Variants in ASH1L observed in about 807,000 individuals in gnomAD.
The protein encoded by ASH1L is ASH1 like histone lysine methyltransferase.
A neutral mutation model predicts 269.0 loss-of-function variants in ASH1L; 23 were observed. That is an observed-to-expected ratio of 0.09 (90% CI 0.06 to 0.12). The LOEUF (loss-of-function observed/expected upper bound fraction) is 0.12. ASH1L is among the 10% of genes least tolerant of loss of function. The pLI is 1.00. For synonymous variants in ASH1L, 1,187 were observed against 1,253.5 expected, an observed-to-expected ratio of 0.95 and a Z score of 1.12; for missense variants, 2,912 against 3,567.8, an observed-to-expected ratio of 0.82 and a Z score of 4.68.
chr1:155,430,547 T>A (rs1158267564), intron 5 of ASH1L, among the ~76,000 whole-genome samples: 1 of 152,180 alleles, frequency 6.6e-6, no homozygotes, highest in Non-Finnish European at 1.5e-5. Flanking sequence ...GTTCTCACAG[T>A]AGTAAATTTT....
intron 1 of ASH1L, among the ~76,000 whole-genome samples, chr1:155,551,412 G>A (rs962815058): frequency 6.6e-6 from 1 of 152,102 alleles, no homozygotes; most frequent in African/African-American, 2.4e-5. Flanking sequence ...TGTAATCCCA[G>A]CACTTTGGGA....
At chr1:155,520,140 T>C (rs1171549877) in intron 2 of ASH1L, 2 of 151,384 alleles carry the variant, frequency 1.3e-5, no homozygotes, top group Non-Finnish European at 2.9e-5. Flanking sequence ...TCACCTGAAG[T>C]CAGGAGTTCG....
intron 1 of ASH1L, among the ~76,000 whole-genome samples, chr1:155,530,782 C>A (rs892960786): frequency 6.6e-6 from 1 of 151,498 alleles, no homozygotes; most frequent in South Asian, 2.1e-4. Context: ...CATGGTGGCA[C>A]GTGCCTATCG....
At chr1:155,421,783 C>T (rs886523645) in intron 5 of ASH1L, among the ~76,000 whole-genome samples, 1 of 151,622 alleles carries the variant, frequency 6.6e-6, no homozygotes, top group African/African-American at 2.4e-5. Context: ...TGTAGAACAA[C>T]GTAATAGAGT....
At position 155,378,532 on chromosome 1, in the gene ASH1L, T is replaced by A; in HGVS notation, c.6194A>T (p.Asp2065Val). 1 of 1,612,904 alleles carries A rather than the reference T, an allele frequency of 6.2e-7. No homozygotes were observed. The highest frequency in any genetic ancestry group is 1.3e-5 in the African/African-American group (1 of 74,986). The change falls in exon 9 of 28, where the codon GAT becomes GTT. Residue 2065 changes from aspartate (D) to valine (V), a missense_variant. Physicochemically the swap from Asp to Val is radical, Grantham distance 152 (BLOSUM62 -3). Transcript: ENST00000392403. ...WKHNQLYKKP[D>V]VPLYKKIRSN... ...ACGAATTTTCTTATATAGTGGGACA[T>A]CTGGCTTTTTGTATAGCTAGAAGAA...
rs765402822 is a variant in ASH1L, at chr1:155,479,862, G to A, written c.3008C>T (p.Ser1003Leu). The stretch of plus-strand genomic sequence containing the variant: ...TTTATTACTTGATTCTACAGAACTT[G>A]AAAGAATCTGATTCAACAGTTTCTT... ...KRKKLLNQIL[S>L]SSVESSNKGK... Residue 1003 changes from serine (S) to leucine (L), a missense_variant, in exon 3 of 28, where the codon TCA (serine) becomes TTA (leucine). Physicochemically the swap from Ser to Leu is moderately radical, Grantham distance 145 (BLOSUM62 -2). Coordinates refer to ENST00000392403, the MANE Select transcript of ASH1L (RefSeq NM_018489.3). The A allele has an allele frequency of 6.2e-7, 1 of 1,613,458 alleles. No homozygotes were observed.
intron 21 of ASH1L, 139 bp downstream of exon 21, chr1:155,346,244 T>C (rs767111853): frequency 6.4e-7 from 1 of 1,563,794 alleles, no homozygotes; most frequent in South Asian, 1.1e-5. Context: ...ACCCTTAATG[T>C]AAAGTTTAAG....
At position 155,459,782 on chromosome 1, in the gene ASH1L, A is replaced by G; in HGVS notation, c.5086+15T>C. The G allele has an allele frequency of 1.3e-6, 2 of 1,597,638 alleles. No individual in the cohort carries two copies. Among genetic ancestry groups the G allele is most frequent in the Non-Finnish European group, 1.7e-6 (2 of 1,166,656 alleles). ...GAAACTATCTTGAAAATCTGGTAAA[A>G]CAAATAGCACTAGCCTGTTGAAGAA... On this transcript the variant is annotated intron_variant, in intron 4 of 27. Coordinates refer to ENST00000392403, the MANE Select transcript of ASH1L (RefSeq NM_018489.3).
At chr1:155,430,946 A>T (rs1000349696) in intron 5 of ASH1L, among the ~76,000 whole-genome samples, 5 of 151,916 alleles carry the variant, frequency 3.3e-5, no homozygotes, top group African/African-American at 9.7e-5. Context: ...CAGGTGTGGT[A>T]GCTCACGCCT....
In ASH1L at chr1:155,499,090, T is replaced by C. The variant is rs187752657; in HGVS notation, c.421-16641A>G. ...TGAACTTGAATTTTATATTCCACAC[T>C]GAAGCCCCAAATTCTATCCTCATTA... is the stretch of plus-strand genomic sequence containing the variant. On this transcript the variant is annotated intron_variant, in intron 2 of 27. Coordinates refer to ENST00000392403, the MANE Select transcript of ASH1L (RefSeq NM_018489.3). 1.2e-4 allele frequency among the ~76,000 whole-genome samples: 18 copies of C among 152,298 alleles called. No individual in the cohort carries two copies. The East Asian group carries it at 3.3e-3, about 28-fold the overall frequency.
intron 2 of ASH1L, among the ~76,000 whole-genome samples, chr1:155,500,639 TCTC>T (rs1464163082): frequency 6.6e-6 from 1 of 152,026 alleles, no homozygotes; most frequent in African/African-American, 2.4e-5. Context: ...GTGCCTATCT[TCTC>T]CTATTAACAA....
intron 7 of ASH1L, among the ~76,000 whole-genome samples, chr1:155,392,030 C>CA (rs1290191820): frequency 2.6e-5 from 4 of 151,994 alleles, no homozygotes; most frequent in African/African-American, 9.6e-5. Context: ...TTAGAGCAAC[C>CA]AGTTACTGTG....
intron 19 of ASH1L, among the ~76,000 whole-genome samples, chr1:155,348,429 C>T (rs918668398): frequency 6.6e-6 from 1 of 151,830 alleles, no homozygotes; most frequent in Non-Finnish European, 1.5e-5. Context: ...TTCCAAACAC[C>T]TCTCCAAGGC....
At chr1:155,497,804 C>G (rs1667251086) in intron 2 of ASH1L, among the ~76,000 whole-genome samples, 1 of 150,862 alleles carries the variant, frequency 6.6e-6, no homozygotes, top group Admixed American at 6.6e-5. Context: ...GCTGGAAGTG[C>G]CGTGGCACGA....
Position 155,521,232 on chromosome 1 carries a change from A to C in ASH1L, c.288T>G (p.Thr96=). ...TCTCCAAGTTCTTTGGAGGTTTTTT[A>C]GTTCTCTTAGCCTGGAGGCCAATTT... The part of the protein sequence containing the change: ...KLKIGLQAKR[T]KKPPKNLENY... The change falls in exon 2 of 28, where the codon ACT becomes ACG. Residue 96 remains threonine (T), a synonymous_variant. Coordinates refer to ENST00000392403, the MANE Select transcript of ASH1L (RefSeq NM_018489.3). 1 of 1,613,998 alleles carries C rather than the reference A, an allele frequency of 6.2e-7. No homozygotes were observed. The highest frequency in any genetic ancestry group is 1.1e-5 in the South Asian group (1 of 91,060).
chr1:155,361,903 A>C (rs1244638315), intron 12 of ASH1L, among the ~76,000 whole-genome samples: 1 of 151,164 alleles, frequency 6.6e-6, no homozygotes, highest in Non-Finnish European at 1.5e-5. Flanking sequence ...GGCTTAGTTC[A>C]CTTATTAAAT....
intron 1 of ASH1L, among the ~76,000 whole-genome samples, chr1:155,560,497 C>A (rs1336994670): frequency 6.6e-6 from 1 of 152,176 alleles, no homozygotes; most frequent in East Asian, 1.9e-4. Context: ...CATGTATTAA[C>A]AATTACCAGA....
chr1:155,369,085 C>T (rs1488607761), intron 12 of ASH1L, among the ~76,000 whole-genome samples: 1 of 152,074 alleles, frequency 6.6e-6, no homozygotes, highest in African/African-American at 2.4e-5. Context: ...GTCATATTTT[C>T]ATAGGGGTGT....
Position 155,562,693 on chromosome 1 carries a change from G to T in ASH1L, c.-640C>A, listed in dbSNP as rs1004872607. 6.6e-7 allele frequency: 1 copy of T among 1,506,256 alleles called. No homozygotes were observed. Among genetic ancestry groups the T allele is most frequent in the Non-Finnish European group, 8.9e-7 (1 of 1,124,078 alleles). 93.3% of individuals were successfully genotyped at this position (1,506,256 alleles called of 1,614,324 possible). ...CCCGCGCGCCAGCCAGCCCGTACGC[G>T]CTCACCCACAGGAACCCCCTCGTCC... On this transcript the variant is annotated 5_prime_UTR_variant, in exon 1 of 28. Coordinates refer to ENST00000392403, the MANE Select transcript of ASH1L (RefSeq NM_018489.3).
Sources: gnomAD v4.1 joint callset for allele counts (sites outside exome capture counted in the v4.1 genomes callset) on GRCh38, gnomAD v4.1.1 for gene constraint, MANE v1.5 for transcripts, NCBI Gene and HGNC (gene_info 2026-07-23, HGNC 2026-07-21) for gene names.